TENM3: variants seen among roughly 807,000 people sequenced by gnomAD.
TENM3 encodes teneurin transmembrane protein 3, also known as teneurin-3.
A neutral mutation model predicts 255.1 loss-of-function variants in TENM3; 63 were observed. The ratio of observed to expected loss-of-function variants is 0.25; its 90% CI spans 0.20 to 0.30. TENM3 has a LOEUF of 0.30. Among genes scored for constraint, TENM3 ranks in the 10% least tolerant of loss-of-function variants. The pLI, the probability that TENM3 is intolerant of heterozygous loss-of-function variation, is 1.00. For synonymous variants in TENM3, 1,306 were observed against 1,322.3 expected, an observed-to-expected ratio of 0.99 and a Z score of 0.27; for missense variants, 2,929 against 3,461.1, an observed-to-expected ratio of 0.85 and a Z score of 3.86.
chr4:181,988,909 A>T, the TENM3 span, among the ~76,000 whole-genome samples: 4 of 152,034 alleles, frequency 2.6e-5, no homozygotes, highest in Admixed American at 2.6e-4. Context: ...GTCAATGCAC[A>T]TTAAGAGTCT....
intron 5 of TENM3, among the ~76,000 whole-genome samples, chr4:182,647,667 A>G (rs1675128839): frequency 6.6e-6 from 1 of 152,188 alleles, no homozygotes; most frequent in African/African-American, 2.4e-5. Flanking sequence ...ACTATTGTGA[A>G]TAGTGCTGGT....
At position 182,145,868 on chromosome 4, in the gene TENM3, C is replaced by CT. The variant is rs1209408422; in HGVS notation, c.-76+1115dup. On this transcript the variant is annotated intron_variant, in intron 1 of 2. Coordinates refer to the TENM3 transcript ENST00000512480. ...CATTGGTAGACTCTGGCAGAATCCACTGGGTGGTCTTTTCACTAGAAATAG... is the reference window on the plus strand; with the variant it reads ...CATTGGTAGACTCTGGCAGAATCCACTTGGGTGGTCTTTTCACTAGAAATAG... Among the ~76,000 whole-genome samples, 3 of 152,208 alleles carry CT rather than the reference C, an allele frequency of 2.0e-5. 1 individual carries two copies. Among genetic ancestry groups the CT allele is most frequent in the Non-Finnish European group, 4.4e-5 (3 of 68,048 alleles).
At chr4:182,185,895 G>A (rs542913155) in intron 1 of TENM3, among the ~76,000 whole-genome samples, 1 of 152,278 alleles carries the variant, frequency 6.6e-6, no homozygotes, top group African/African-American at 2.4e-5. Flanking sequence ...AGCTTAGTTT[G>A]AAAATGAAAA....
intron 3 of TENM3, among the ~76,000 whole-genome samples, chr4:182,456,030 C>A (rs1479376434): frequency 2.0e-5 from 3 of 152,216 alleles, no homozygotes; most frequent in African/African-American, 7.2e-5. Flanking sequence ...TTCGTCCTTA[C>A]ATACCAGCAC....
chr4:182,515,074 C>T (rs1737801983), intron 3 of TENM3, among the ~76,000 whole-genome samples: 1 of 152,098 alleles, frequency 6.6e-6, no homozygotes. Flanking sequence ...ACTAAGAAGA[C>T]AATTTATCAT....
intron 1 of TENM3, among the ~76,000 whole-genome samples, chr4:182,301,202 G>C (rs1252473742): frequency 6.6e-6 from 1 of 152,104 alleles, no homozygotes; most frequent in African/African-American, 2.4e-5. Context: ...CAGTCAGATA[G>C]AGTCAAACAT....
chr4:181,626,783 T>A, the TENM3 span, among the ~76,000 whole-genome samples: 2 of 152,166 alleles, frequency 1.3e-5, no homozygotes, highest in South Asian at 4.1e-4. Flanking sequence ...TCAGGGGCCA[T>A]TCAAACGGGT....
At chr4:181,586,909 TAAAAG>T in the TENM3 span, among the ~76,000 whole-genome samples, 1 of 152,088 alleles carries the variant, frequency 6.6e-6, no homozygotes. Flanking sequence ...ATTTTTTTCT[TAAAAG>T]AAATTTCTTA....
the TENM3 span, among the ~76,000 whole-genome samples, chr4:181,643,297 G>A: frequency 1.3e-5 from 2 of 152,164 alleles, no homozygotes; most frequent in African/African-American, 4.8e-5. Context: ...GTTCACTCAC[G>A]ATTTGGCTCT....
the TENM3 span, among the ~76,000 whole-genome samples, chr4:181,556,729 G>A: frequency 2.0e-5 from 3 of 151,938 alleles, no homozygotes; most frequent in Admixed American, 2.0e-4. Flanking sequence ...TGCATTTTTG[G>A]TAAAATTCAT....
At chr4:182,208,444 G>A (rs922699235) in intron 1 of TENM3, among the ~76,000 whole-genome samples, 1 of 152,146 alleles carries the variant, frequency 6.6e-6, no homozygotes, top group African/African-American at 2.4e-5. Context: ...CAGGCCAGGA[G>A]TACAAATTAA....
At chr4:182,161,379 G>A (rs1317704907) in intron 1 of TENM3, among the ~76,000 whole-genome samples, 1 of 115,074 alleles carries the variant, frequency 8.7e-6, no homozygotes, top group Non-Finnish European at 1.7e-5. Context: ...TCGCGCCACT[G>A]CACTCCAGCC....
chr4:182,665,659 G>C (rs1413930904), intron 6 of TENM3, among the ~76,000 whole-genome samples: 2 of 152,142 alleles, frequency 1.3e-5, no homozygotes, highest in Non-Finnish European at 2.9e-5. Context: ...ACATTGGGAG[G>C]CTGAGGCGGG....
At position 182,793,465 on chromosome 4, in the gene TENM3, C is replaced by T. The variant is rs770228537; in HGVS notation, c.6793C>T (p.His2265Tyr). The change falls in exon 26 of 28, where the codon CAT becomes TAT. Residue 2265 changes from histidine (H) to tyrosine (Y), a missense_variant. Physicochemically the swap from His to Tyr is moderately conservative, Grantham distance 83. Coordinates refer to ENST00000511685, the MANE Select transcript of TENM3 (RefSeq NM_001080477.4). The surrounding 1 kb of genome is among the most constrained non-coding windows in gnomAD (Gnocchi z 5.7). Reference protein sequence around the residue: ...YPTRITHVYNHSSSEITSLYY... With the variant: ...YPTRITHVYNYSSSEITSLYY... The stretch of plus-strand genomic sequence containing the variant: ...CACTAGGATTACTCATGTCTACAAC[C>T]ATTCGAGTTCAGAAATTACCTCCCT... 6.2e-7 allele frequency: 1 copy of T among 1,613,816 alleles called. No homozygotes were observed. Among genetic ancestry groups the T allele is most frequent in the African/African-American group, 1.3e-5 (1 of 74,914 alleles).
chr4:182,627,900 G>A (rs1750981810), intron 4 of TENM3, among the ~76,000 whole-genome samples: 1 of 151,960 alleles, frequency 6.6e-6, no homozygotes, highest in Non-Finnish European at 1.5e-5. Context: ...ATGGCTCGGT[G>A]GTTAGGGAAT....
chr4:182,640,758 G>C (rs1373056858), intron 5 of TENM3, among the ~76,000 whole-genome samples: 2 of 152,178 alleles, frequency 1.3e-5, no homozygotes, highest in Non-Finnish European at 2.9e-5. Context: ...GTTTTGCTTT[G>C]AAATATATTT....
chr4:181,604,447 C>T, the TENM3 span, among the ~76,000 whole-genome samples: 1 of 152,074 alleles, frequency 6.6e-6, no homozygotes, highest in Non-Finnish European at 1.5e-5. Context: ...GATCTCCTTA[C>T]TGTTTCCCAG....
intron 3 of TENM3, among the ~76,000 whole-genome samples, chr4:182,443,268 A>G (rs1772648667): frequency 1.3e-5 from 2 of 152,156 alleles, no homozygotes; most frequent in Non-Finnish European, 2.9e-5. Flanking sequence ...ACATACTGCC[A>G]TCCCTGGGTG....
chr4:182,232,756 C>T (rs56036932), intron 1 of TENM3, among the ~76,000 whole-genome samples: 39,487 of 151,958 alleles, frequency 0.26, 6,301 homozygotes, highest in South Asian at 0.42. Flanking sequence ...TCCAGGACTT[C>T]CAGCAGATGC....
Sources: gnomAD v4.1 joint callset for allele counts (sites outside exome capture counted in the v4.1 genomes callset) on GRCh38, gnomAD v4.1.1 for gene constraint, Gnocchi (gnomAD v3.1) non-coding constraint, MANE v1.5 for transcripts, NCBI Gene and HGNC (gene_info 2026-07-23, HGNC 2026-07-21) for gene names.